The following FNDC3B variants were observed in gnomAD, a reference collection of about 807,000 sequenced individuals.
FNDC3B encodes the protein fibronectin type III domain containing 3B.
FNDC3B carries 12 observed loss-of-function variants against 151.5 expected under a neutral mutation model. That is an observed-to-expected ratio of 0.08 (90% CI 0.05 to 0.13). The LOEUF (loss-of-function observed/expected upper bound fraction) is 0.13, where lower values mean the gene tolerates loss of function less well. FNDC3B is among the 10% of genes least tolerant of loss of function. FNDC3B has a pLI of 1.00. For synonymous variants in FNDC3B, 528 were observed against 549.0 expected (o/e 0.96, Z 0.54); for missense variants, 1,214 against 1,505.3 (o/e 0.81, Z 3.20).
chr3:172,203,736 C>G (rs1429960798), intron 3 of FNDC3B, among the ~76,000 whole-genome samples: 1 of 152,198 alleles, frequency 6.6e-6, no homozygotes, highest in Non-Finnish European at 1.5e-5. Flanking sequence ...TCATACCTTT[C>G]CAGCTGCTGC....
At chr3:172,156,610 G>T (rs1371890766) in intron 3 of FNDC3B, among the ~76,000 whole-genome samples, 1 of 152,046 alleles carries the variant, frequency 6.6e-6, no homozygotes, top group Non-Finnish European at 1.5e-5. Flanking sequence ...ACGTTTCTTT[G>T]TATGTATCCT....
chr3:172,080,443 A>T (rs894282593), intron 1 of FNDC3B, among the ~76,000 whole-genome samples: 3 of 149,246 alleles, frequency 2.0e-5, no homozygotes, highest in African/African-American at 7.4e-5. Flanking sequence ...GCTAATTTAA[A>T]TTTTTTTTTT....
intron 2 of FNDC3B, among the ~76,000 whole-genome samples, chr3:172,115,687 G>A (rs867409319): frequency 5.9e-5 from 9 of 152,150 alleles, no homozygotes; most frequent in Non-Finnish European, 1.2e-4. Context: ...CTGTACAACA[G>A]ACCCTCGGCG....
At chr3:172,340,684 G>A (rs754845878) in intron 16 of FNDC3B, among the ~76,000 whole-genome samples, 1 of 152,190 alleles carries the variant, frequency 6.6e-6, no homozygotes, top group Non-Finnish European at 1.5e-5. Context: ...AGAACAGGGA[G>A]AAATTCTTGC....
At chr3:172,378,234 G>T (rs986186882) in intron 23 of FNDC3B, 36 bp from the exon 24 acceptor site, 1 of 1,533,376 alleles carries the variant, frequency 6.5e-7, no homozygotes, top group Admixed American at 2.2e-5. Context: ...ATTAGTAGAC[G>T]TTCAGATGGC....
chr3:172,350,299 A>T (rs554683318), intron 21 of FNDC3B, among the ~76,000 whole-genome samples: 155 of 152,320 alleles, frequency 1.0e-3, no homozygotes, highest in African/African-American at 3.6e-3. Context: ...AGAGAAATTA[A>T]CTAACCTAAG....
In FNDC3B at chr3:172,106,349, G is replaced by A. The variant is rs1418926452; in HGVS notation, c.-28-6103G>A. ...GCTCCAGGATAGTCAAAGTTAGTGGGAGGTCTCATTAGGGTGCTGGTGAAG... is the reference window on the plus strand; with the variant it reads ...GCTCCAGGATAGTCAAAGTTAGTGGAAGGTCTCATTAGGGTGCTGGTGAAG... On this transcript the variant is annotated intron_variant, in intron 1 of 25. Coordinates refer to ENST00000415807, the MANE Select transcript of FNDC3B (RefSeq NM_022763.4). Among the ~76,000 whole-genome samples, 4 of 152,270 alleles carry A rather than the reference G, an allele frequency of 2.6e-5. No homozygotes were observed. The East Asian group carries it at 7.7e-4, about 29-fold the overall frequency.
intron 1 of FNDC3B, among the ~76,000 whole-genome samples, chr3:172,054,974 T>C (rs991613290): frequency 6.6e-6 from 1 of 152,208 alleles, no homozygotes; most frequent in Non-Finnish European, 1.5e-5. Context: ...GAGGAATAGA[T>C]TGTAATTTTA....
At chr3:172,309,642 A>C (rs1731369961) in intron 10 of FNDC3B, among the ~76,000 whole-genome samples, 1 of 152,198 alleles carries the variant, frequency 6.6e-6, no homozygotes, top group Non-Finnish European at 1.5e-5. Flanking sequence ...TAAAGAGAGA[A>C]GGAAGGGAAG....
At chr3:172,342,070 C>T (rs1733351831) in intron 17 of FNDC3B, among the ~76,000 whole-genome samples, 1 of 152,212 alleles carries the variant, frequency 6.6e-6, no homozygotes, top group Non-Finnish European at 1.5e-5. Context: ...CAGCCCTGTG[C>T]TGGGTTGACT....
chr3:172,275,795 C>T (rs543117925), intron 6 of FNDC3B, among the ~76,000 whole-genome samples: 136 of 152,080 alleles, frequency 8.9e-4, no homozygotes, highest in African/African-American at 3.0e-3. Context: ...TGGACTAGGG[C>T]AGATGGTGCT....
intron 1 of FNDC3B, among the ~76,000 whole-genome samples, chr3:172,062,315 C>T (rs1450125545): frequency 3.5e-5 from 5 of 144,382 alleles, no homozygotes; most frequent in Non-Finnish European, 7.6e-5. Context: ...TCTCCTCCTT[C>T]TTTTTTTTTT....
At chr3:172,205,301 G>T (rs2108697442) in intron 3 of FNDC3B, among the ~76,000 whole-genome samples, 1 of 152,278 alleles carries the variant, frequency 6.6e-6, no homozygotes, top group East Asian at 1.9e-4. Context: ...GGGACAGTTG[G>T]GGTAGGAGAG....
chr3:172,205,947 CAACCATTATG>C (rs1276263362), intron 3 of FNDC3B, among the ~76,000 whole-genome samples: 1 of 152,074 alleles, frequency 6.6e-6, no homozygotes, highest in African/African-American at 2.4e-5. Context: ...AACTTAAAGT[CAACCATTATG>C]AGGTATCTTA....
chr3:172,350,438 T>C (rs1733803780), intron 21 of FNDC3B, among the ~76,000 whole-genome samples: 1 of 152,208 alleles, frequency 6.6e-6, no homozygotes, highest in Non-Finnish European at 1.5e-5. Flanking sequence ...CTCCATGATA[T>C]CCTATTTTTC....
At chr3:172,200,314 AT>A (rs1054673243) in intron 3 of FNDC3B, among the ~76,000 whole-genome samples, 8 of 152,204 alleles carry the variant, frequency 5.3e-5, no homozygotes, top group African/African-American at 1.7e-4. Context: ...CCAGGAGTCA[AT>A]TTTGTTTTCT....
rs1560118215 is a variant in FNDC3B at position 172,400,152 on chromosome 3, T to C, written c.*2677T>C. 1 of 152,286 alleles carries C rather than the reference T, an allele frequency of 6.6e-6. No individual in the cohort carries two copies. The allele number at this position is 152,286 out of a possible 1,614,324, so 9.4% of individuals were successfully genotyped here. The stretch of plus-strand genomic sequence containing the variant: ...ACCTGATCTCTTTGCCCTTTTGCTA[T>C]GTGAGGAGTGAATGAGTGGCCTTCT... On this transcript the variant is annotated 3_prime_UTR_variant, in exon 26 of 26. Coordinates refer to ENST00000415807, the MANE Select transcript of FNDC3B (RefSeq NM_022763.4).
intron 6 of FNDC3B, among the ~76,000 whole-genome samples, chr3:172,274,622 T>A (rs1244428669): frequency 1.3e-5 from 2 of 152,224 alleles, no homozygotes; most frequent in African/African-American, 4.8e-5. Flanking sequence ...ATGACTGACA[T>A]AACAAAGTAG....
chr3:172,091,583 G>A (rs1469473423), intron 1 of FNDC3B, among the ~76,000 whole-genome samples: 2 of 152,126 alleles, frequency 1.3e-5, no homozygotes, highest in African/African-American at 4.8e-5. Context: ...ATGTGTGTAT[G>A]CATGCATGCA....
Sources: allele counts gnomAD v4.1 joint callset (sites outside exome capture counted in the v4.1 genomes callset), GRCh38; gene constraint gnomAD v4.1.1; transcripts MANE v1.5; gene names NCBI Gene and HGNC (gene_info 2026-07-23, HGNC 2026-07-21).